The following INPP4B variants were observed in gnomAD, a reference collection of about 807,000 sequenced individuals.
INPP4B encodes the protein inositol polyphosphate-4-phosphatase type II B.
In INPP4B, 55 loss-of-function variants were observed where a neutral mutation model predicts 122.5. The ratio of observed to expected loss-of-function variants is 0.45; its 90% CI spans 0.36 to 0.56. The LOEUF (loss-of-function observed/expected upper bound fraction) is 0.56. Among genes scored for constraint, INPP4B ranks in the 20% least tolerant of loss-of-function variants. INPP4B has a pLI of 0.00. For synonymous variants in INPP4B, 403 were observed against 388.7 expected (o/e 1.04, Z -0.43); for missense variants, 1,000 against 1,097.7 (o/e 0.91, Z 1.26).
chr4:142,743,610 A>C (rs938187519), intron 1 of INPP4B, among the ~76,000 whole-genome samples: 10 of 151,966 alleles, frequency 6.6e-5, no homozygotes, highest in Non-Finnish European at 1.5e-4. Flanking sequence ...AATGCAGTCT[A>C]ATACCCCAGG....
intron 2 of INPP4B, among the ~76,000 whole-genome samples, chr4:142,639,096 C>T (rs1234895165): frequency 6.6e-6 from 1 of 152,106 alleles, no homozygotes; most frequent in Non-Finnish European, 1.5e-5. Flanking sequence ...TTTTTGAATG[C>T]TGACCTAGCC....
intron 12 of INPP4B, among the ~76,000 whole-genome samples, chr4:142,217,444 T>C (rs1016579886): frequency 1.3e-5 from 2 of 152,210 alleles, no homozygotes; most frequent in Non-Finnish European, 2.9e-5. Context: ...TCCTAAAATT[T>C]AGGATAAAGT....
At chr4:142,082,724 T>C (rs1451224189) in intron 24 of INPP4B, among the ~76,000 whole-genome samples, 2 of 152,212 alleles carry the variant, frequency 1.3e-5, no homozygotes, top group Non-Finnish European at 2.9e-5. Context: ...AGGGAACTAC[T>C]CATCAATACT....
At chr4:142,124,446 G>A (rs978752) in intron 19 of INPP4B, 142 bp downstream of exon 19, 141,896 of 679,390 alleles carry the variant, frequency 0.21, 15,289 homozygotes, top group South Asian at 0.25. Flanking sequence ...GATATTTATC[G>A]TGAATAAGAA....
intron 25 of INPP4B, among the ~76,000 whole-genome samples, chr4:142,074,377 C>T (rs1227399838): frequency 6.6e-6 from 1 of 152,010 alleles, no homozygotes; most frequent in Non-Finnish European, 1.5e-5. Context: ...CACTTTTCAT[C>T]CATCAGATGG....
intron 12 of INPP4B, among the ~76,000 whole-genome samples, chr4:142,236,423 T>G (rs17015778): frequency 0.1 from 15,973 of 152,192 alleles, 932 homozygotes; most frequent in Middle Eastern, 0.14. Flanking sequence ...AAAACCCACT[T>G]CAGGATAACT....
At chr4:142,726,170 T>G (rs777310233) in intron 1 of INPP4B, among the ~76,000 whole-genome samples, 12 of 152,178 alleles carry the variant, frequency 7.9e-5, no homozygotes, top group Admixed American at 1.3e-4. Context: ...TTCTCTCACA[T>G]GTGAACAAAA....
At chr4:142,622,753 T>A (rs1378824951) in intron 2 of INPP4B, among the ~76,000 whole-genome samples, 1 of 151,996 alleles carries the variant, frequency 6.6e-6, no homozygotes, top group Non-Finnish European at 1.5e-5. Context: ...CTCAGCTACA[T>A]CTTAGACCCT....
At chr4:142,449,185 A>G (rs2149493730) in intron 3 of INPP4B, among the ~76,000 whole-genome samples, 1 of 152,314 alleles carries the variant, frequency 6.6e-6, no homozygotes, top group Non-Finnish European at 1.5e-5. Context: ...CCAGCTGCAG[A>G]CTAACACTGC....
chr4:142,434,631 T>G (rs922786594), intron 3 of INPP4B, among the ~76,000 whole-genome samples: 3 of 152,128 alleles, frequency 2.0e-5, no homozygotes, highest in Admixed American at 6.5e-5. Context: ...ATGTCTCTGA[T>G]AAAAGGGATA....
chr4:142,382,184 A>T (rs2148866189), intron 7 of INPP4B, among the ~76,000 whole-genome samples: 1 of 152,312 alleles, frequency 6.6e-6, no homozygotes, highest in East Asian at 1.9e-4. Context: ...TCCCATCTGT[A>T]AAGATCTTAT....
intron 2 of INPP4B, among the ~76,000 whole-genome samples, chr4:142,516,233 A>G (rs1394642111): frequency 1.3e-5 from 2 of 152,192 alleles, no homozygotes; most frequent in Admixed American, 1.3e-4. Context: ...ATCCCAGGAT[A>G]TAGCCCAATA....
chr4:142,258,044 C>T lies in INPP4B; in HGVS notation c.688+2448G>A, dbSNP rs1405274067. ...AACAGAACAGAGCCCTCAGAAATAA[C>T]GCCGCAAATCTACAACTATCTGATC... On this transcript the variant is annotated intron_variant, in intron 11 of 25. Coordinates refer to ENST00000262992, the MANE Select transcript of INPP4B (RefSeq NM_001101669.3). Among the ~76,000 whole-genome samples, 13 of 151,888 alleles carry T rather than the reference C, an allele frequency of 8.6e-5. 1 individual carries two copies. Among genetic ancestry groups the T allele is most frequent in the South Asian group, 6.2e-4 (3 of 4,820 alleles).
rs188595076 is a variant in INPP4B, at chr4:142,136,897, A to C, written c.1720+8943T>G. 2.0e-5 allele frequency among the ~76,000 whole-genome samples: 3 copies of C among 152,332 alleles called. No homozygotes were observed. In the East Asian group the frequency reaches 5.8e-4, roughly 29 times the overall value. ...AAATTTAATCATCCCTTACAAAGAAATGGAAGAACATTCCATACTCATGGG... is the reference window on the plus strand; with the variant it reads ...AAATTTAATCATCCCTTACAAAGAACTGGAAGAACATTCCATACTCATGGG... On this transcript the variant is annotated intron_variant, in intron 18 of 25. Transcript: ENST00000262992.
At chr4:142,080,598 A>C (rs2152522838) in intron 25 of INPP4B, among the ~76,000 whole-genome samples, 1 of 152,268 alleles carries the variant, frequency 6.6e-6, no homozygotes, top group Admixed American at 6.5e-5. Context: ...CAATACCAAA[A>C]TATATTGTTC....
intron 12 of INPP4B, among the ~76,000 whole-genome samples, chr4:142,218,989 T>A (rs1848374235): frequency 6.6e-6 from 1 of 152,188 alleles, no homozygotes. Flanking sequence ...TCAAAATATC[T>A]GTGCTTTAAC....
At chr4:142,403,740 CT>C (rs1312540132) in intron 6 of INPP4B, among the ~76,000 whole-genome samples, 2 of 152,130 alleles carry the variant, frequency 1.3e-5, no homozygotes, top group Non-Finnish European at 2.9e-5. Flanking sequence ...TGCTAGAGTT[CT>C]ATAAACTAAT....
chr4:142,834,949 T>G (rs1782604454), intron 1 of INPP4B, among the ~76,000 whole-genome samples: 1 of 152,176 alleles, frequency 6.6e-6, no homozygotes, highest in South Asian at 2.1e-4. Context: ...CAAAAGGAAA[T>G]TATAAGCTCT....
At chr4:142,255,228 C>A (rs573162383) in intron 11 of INPP4B, among the ~76,000 whole-genome samples, 3 of 151,830 alleles carry the variant, frequency 2.0e-5, no homozygotes, top group South Asian at 2.1e-4. Context: ...AAGGAACAAC[C>A]GGTACCAGCC....
Sources: gnomAD v4.1 joint callset for allele counts (sites outside exome capture counted in the v4.1 genomes callset) on GRCh38, gnomAD v4.1.1 for gene constraint, MANE v1.5 for transcripts, NCBI Gene and HGNC (gene_info 2026-07-23, HGNC 2026-07-21) for gene names.